AGBL2: variants seen among roughly 807,000 people sequenced by gnomAD.
The protein encoded by AGBL2 is cytosolic carboxypeptidase 2.
AGBL2 carries 87 observed loss-of-function variants against 103.0 expected under a neutral mutation model. The ratio of observed to expected loss-of-function variants is 0.84; its 90% CI spans 0.71 to 1.01. The LOEUF is 1.01. Ranked by LOEUF, AGBL2 falls within the 50% of genes least tolerant of loss-of-function variation. The probability of loss-of-function intolerance (pLI) is 0.00; values close to 1 mark genes in which losing one functional copy is unlikely to be tolerated. For missense variants in AGBL2, 904 were observed against 1,023.5 expected (o/e 0.88, Z 1.59); for synonymous variants, 335 against 356.7 (o/e 0.94, Z 0.69).
chr11:47,669,041 C>T, intron 14 of AGBL2, 134 bp from the exon 15 acceptor site: 1 of 614,020 alleles, frequency 1.6e-6, no homozygotes, highest in Non-Finnish European at 2.9e-6. Flanking sequence ...ATTGTCTATG[C>T]TTCAATTACT....
Position 47,680,054 on chromosome 11 carries a change from G to C in AGBL2, c.1935C>G (p.His645Gln). ...AGGACTTCAGATCTTCGATGGTAAA[G>C]TGGGTGTCTCTTTTATTACCTGGAA... The part of the protein sequence containing the change: ...GSTLGNKRDT[H>Q]FTIEDLKSLG... Residue 645 changes from histidine (H) to glutamine (Q), a missense_variant, in exon 13 of 19, where the codon CAC becomes CAG. By Grantham distance (24) the His-to-Gln change is conservative (BLOSUM62 0). Coordinates refer to ENST00000525123, the MANE Select transcript of AGBL2 (RefSeq NM_024783.4). 6.2e-7 allele frequency: 1 copy of C among 1,607,040 alleles called. No individual in the cohort carries two copies.
In AGBL2 at chr11:47,705,593, T is replaced by G. The variant is rs1297292977; in HGVS notation, c.328A>C (p.Ser110Arg). 1 of 490,140 alleles carries G rather than the reference T, an allele frequency of 2.0e-6. No homozygotes were observed. Among genetic ancestry groups the G allele is most frequent in the Non-Finnish European group, 3.7e-6 (1 of 271,928 alleles). 30.4% of individuals were successfully genotyped at this position (490,140 alleles called of 1,614,324 possible). Reference protein sequence around the residue: ...CLGWMQWRGLSSLQPPPPRFK... With the variant: ...CLGWMQWRGLRSLQPPPPRFK... Reference sequence around the variant, plus strand: ...CTGGGAGGTGGAGGTTGCAGTGAGCTGAGGCCGCGCCACTGCATCCAGCCC... The same window carrying G: ...CTGGGAGGTGGAGGTTGCAGTGAGCGGAGGCCGCGCCACTGCATCCAGCCC... The change falls in exon 6 of 19, where the codon AGC (serine) becomes CGC (arginine). Residue 110 changes from serine to arginine, a missense_variant. Physicochemically the swap from Ser to Arg is moderately radical, Grantham distance 110. Transcript: ENST00000525123.
intron 7 of AGBL2, among the ~76,000 whole-genome samples, chr11:47,701,981 A>T (rs1310918393): frequency 6.6e-6 from 1 of 151,254 alleles, no homozygotes; most frequent in Non-Finnish European, 1.5e-5. Flanking sequence ...CTCAAAAAAA[A>T]AAAAAAAAAA....
chr11:47,702,592 C>T (rs923348727), intron 7 of AGBL2, among the ~76,000 whole-genome samples: 2 of 152,040 alleles, frequency 1.3e-5, no homozygotes, highest in South Asian at 2.1e-4. Flanking sequence ...TGAGGAACAT[C>T]CAGCTGGGTG....
intron 12 of AGBL2, among the ~76,000 whole-genome samples, chr11:47,680,782 C>A (rs1455561331): frequency 5.9e-5 from 3 of 50,516 alleles, no homozygotes; most frequent in Non-Finnish European, 1.6e-4. Flanking sequence ...CAGAGGGAGA[C>A]CCTGAAACAA....
At chr11:47,685,681 C>G (rs2097420772) in intron 11 of AGBL2, among the ~76,000 whole-genome samples, 1 of 152,044 alleles carries the variant, frequency 6.6e-6, no homozygotes, top group Admixed American at 6.6e-5. Flanking sequence ...CTTGGCCCCC[C>G]AAAGTGCTGG....
rs1435113478 is a variant in AGBL2 at position 47,692,150 on chromosome 11, C to G, written c.801G>C (p.Leu267=). 1 of 1,613,416 alleles carries G rather than the reference C, an allele frequency of 6.2e-7. No individual in the cohort carries two copies. The highest frequency in any genetic ancestry group is 1.1e-5 in the South Asian group (1 of 91,020). The stretch of plus-strand genomic sequence containing the variant: ...TCCCACTCTCAAACCTTGATTCAAA[C>G]AGTAGAGTATTATCTTCTGGTCCTT... ...TLQGPEDNTL[L]FESRFESGNL... Residue 267 remains leucine, a synonymous_variant, in exon 9 of 19, where the codon CTG becomes CTC. Transcript: ENST00000525123.
chr11:47,692,523 T>G (rs1468710796), intron 8 of AGBL2, among the ~76,000 whole-genome samples: 2 of 148,722 alleles, frequency 1.3e-5, no homozygotes, highest in Non-Finnish European at 3.0e-5. Context: ...GCCATTGTCC[T>G]GCCTCAGCCT....
chr11:47,672,728 C>T (rs994397952), intron 14 of AGBL2, among the ~76,000 whole-genome samples: 2 of 152,112 alleles, frequency 1.3e-5, no homozygotes, highest in African/African-American at 4.8e-5. Flanking sequence ...GGGCACACTA[C>T]CTGGTCTGAT....
At chr11:47,668,518 C>T (rs2097347899) in intron 15 of AGBL2, among the ~76,000 whole-genome samples, 1 of 151,926 alleles carries the variant, frequency 6.6e-6, no homozygotes, top group South Asian at 2.1e-4. Flanking sequence ...CACAAAGGGG[C>T]ACTTATACTA....
rs921149368 is a variant in AGBL2, at chr11:47,704,588, A to G, written c.541T>C (p.Trp181Arg). ...STKRPLQAPR[W>R]PIECEVIKEN... is the part of the protein sequence containing the mutation. ...TTGATGACCTCACATTCAATTGGCC[A>G]TCTTGGAGCCTGCAGTGGCCTCTTG... The change falls in exon 7 of 19, where the codon TGG becomes CGG. Residue 181 changes from tryptophan (W) to arginine (R), a missense_variant. Trp to Arg is a moderately radical substitution (Grantham distance 101). Coordinates refer to ENST00000525123, the MANE Select transcript of AGBL2 (RefSeq NM_024783.4). The G allele has an allele frequency of 1.2e-6, 2 of 1,614,040 alleles. No homozygotes were observed. Among genetic ancestry groups the G allele is most frequent in the Non-Finnish European group, 1.7e-6 (2 of 1,180,010 alleles).
At chr11:47,698,801 G>T (rs1282954659) in intron 8 of AGBL2, among the ~76,000 whole-genome samples, 1 of 151,864 alleles carries the variant, frequency 6.6e-6, no homozygotes, top group Non-Finnish European at 1.5e-5. Context: ...ATTTCATTCT[G>T]TTGTTGATTT....
intron 14 of AGBL2, 50 bp from the exon 15 acceptor site, chr11:47,668,957 T>TGGTAAATGTTATGCTTCCTAGAC: frequency 7.6e-7 from 1 of 1,318,028 alleles, no homozygotes; most frequent in Non-Finnish European, 1.1e-6. Context: ...TTGATATGTC[T>TGGTAAATGTTATGCTTCCTAGAC]AGGAAGCATA....
At chr11:47,671,559 A>AAAT (rs2097357664) in intron 14 of AGBL2, among the ~76,000 whole-genome samples, 1 of 151,990 alleles carries the variant, frequency 6.6e-6, no homozygotes, top group African/African-American at 2.4e-5. Context: ...CAAACAAAAA[A>AAAT]CACTTATTGG....
chr11:47,712,366 C>T (rs141703407), intron 3 of AGBL2, among the ~76,000 whole-genome samples: 1 of 152,166 alleles, frequency 6.6e-6, no homozygotes, highest in East Asian at 1.9e-4. Context: ...GAATATTACT[C>T]CATCTTATTT....
At chr11:47,702,030 A>G (rs1355185502) in intron 7 of AGBL2, among the ~76,000 whole-genome samples, 2 of 151,690 alleles carry the variant, frequency 1.3e-5, no homozygotes, top group Non-Finnish European at 2.9e-5. Flanking sequence ...GCACGCCTAT[A>G]GTCCTAGCTA....
chr11:47,712,858 G>A, intron 3 of AGBL2, among the ~76,000 whole-genome samples: 1 of 152,046 alleles, frequency 6.6e-6, no homozygotes, highest in East Asian at 1.9e-4. Context: ...CCAACATGGT[G>A]AAACCGTTTC....
intron 10 of AGBL2, among the ~76,000 whole-genome samples, chr11:47,686,850 T>C (rs2097425726): frequency 6.6e-6 from 1 of 151,110 alleles, no homozygotes; most frequent in African/African-American, 2.4e-5. Context: ...TGCCAGCTAC[T>C]TGGCAGGCTG....
At position 47,714,313 on chromosome 11, in the gene AGBL2, C is replaced by A. The variant is rs567149384; in HGVS notation, c.68G>T (p.Arg23Leu). ...AAAGTAGCCATAATATTGGAGGTGA[C>A]GGTACATAAAGTCTTCATAAGGATC... is the stretch of plus-strand genomic sequence containing the variant. ...IPDPYEDFMY[R>L]HLQYYGYFKA... is the part of the protein sequence containing the mutation. Residue 23 changes from arginine (R) to leucine (L), a missense_variant, in exon 3 of 19, where the codon CGT (arginine) becomes CTT (leucine). Physicochemically the swap from Arg to Leu is moderately radical, Grantham distance 102 (BLOSUM62 -2). Transcript: ENST00000525123. The A allele has an allele frequency of 6.2e-7, 1 of 1,611,710 alleles. No homozygotes were observed. The highest frequency in any genetic ancestry group is 1.3e-5 in the African/African-American group (1 of 74,448).
Sources: gnomAD v4.1 joint callset for allele counts (sites outside exome capture counted in the v4.1 genomes callset) on GRCh38, gnomAD v4.1.1 for gene constraint, MANE v1.5 for transcripts, NCBI Gene and HGNC (gene_info 2026-07-23, HGNC 2026-07-21) for gene names.